Variants in ADAM22 observed in about 807,000 individuals in gnomAD.
ADAM22 encodes the protein ADAM metallopeptidase domain 22.
A neutral mutation model predicts 144.6 loss-of-function variants in ADAM22; 65 were observed. The ratio of observed to expected loss-of-function variants is 0.45; its 90% CI spans 0.37 to 0.55. The LOEUF (loss-of-function observed/expected upper bound fraction) is 0.55. Among genes scored for constraint, ADAM22 ranks in the 20% least tolerant of loss-of-function variants. The pLI is 0.00. For missense variants in ADAM22, 974 were observed against 1,184.9 expected, an observed-to-expected ratio of 0.82 and a Z score of 2.61; for synonymous variants, 391 against 412.6, an observed-to-expected ratio of 0.95 and a Z score of 0.63.
At chr7:88,066,676 A>T (rs1811332592) in intron 3 of ADAM22, among the ~76,000 whole-genome samples, 1 of 152,100 alleles carries the variant, frequency 6.6e-6, no homozygotes, top group Non-Finnish European at 1.5e-5. Context: ...AGGATCAAGT[A>T]CTGATCCCTG....
intron 4 of ADAM22, among the ~76,000 whole-genome samples, chr7:88,087,184 T>C (rs1257322779): frequency 2.0e-5 from 3 of 152,310 alleles, no homozygotes; most frequent in Non-Finnish European, 2.9e-5. Flanking sequence ...CGGTGTACAT[T>C]CTATAATATG....
chr7:88,102,878 G>A (rs1823325310), intron 4 of ADAM22, among the ~76,000 whole-genome samples: 1 of 152,136 alleles, frequency 6.6e-6, no homozygotes, highest in Admixed American at 6.6e-5. Context: ...TTATGAAACA[G>A]CTGGAGTAGA....
At chr7:87,953,255 T>C (rs1845726434) in intron 2 of ADAM22, among the ~76,000 whole-genome samples, 1 of 152,216 alleles carries the variant, frequency 6.6e-6, no homozygotes, top group African/African-American at 2.4e-5. Flanking sequence ...ATTGGATCTT[T>C]CCTGCTTTCT....
intron 3 of ADAM22, among the ~76,000 whole-genome samples, chr7:88,066,353 T>C (rs1170673541): frequency 6.6e-6 from 1 of 151,746 alleles, no homozygotes; most frequent in Non-Finnish European, 1.5e-5. Context: ...AAAGAGTCAA[T>C]GATCACTCTA....
chr7:88,140,960 G>GA (rs1197314469), intron 14 of ADAM22, among the ~76,000 whole-genome samples: 1 of 152,204 alleles, frequency 6.6e-6, no homozygotes, highest in Non-Finnish European at 1.5e-5. Flanking sequence ...GTTTTATGGG[G>GA]AGGTGGAGGG....
intron 3 of ADAM22, among the ~76,000 whole-genome samples, chr7:88,005,242 A>G (rs1427182718): frequency 6.6e-6 from 1 of 152,168 alleles, no homozygotes; most frequent in Non-Finnish European, 1.5e-5. Flanking sequence ...TTGCCAGGAA[A>G]GAGATTTGGA....
intron 4 of ADAM22, among the ~76,000 whole-genome samples, chr7:88,082,022 T>A (rs1227188404): frequency 2.6e-5 from 4 of 152,118 alleles, no homozygotes; most frequent in East Asian, 1.9e-4. Flanking sequence ...AGAACCCACA[T>A]TGCCACGTGA....
At chr7:87,981,088 TA>T (rs1443379315) in intron 3 of ADAM22, among the ~76,000 whole-genome samples, 1 of 152,170 alleles carries the variant, frequency 6.6e-6, no homozygotes, top group African/African-American at 2.4e-5. Flanking sequence ...AGTGGATAAT[TA>T]AACTGCTCCA....
At chr7:87,974,539 T>A (rs963977589) in intron 2 of ADAM22, among the ~76,000 whole-genome samples, 1 of 152,198 alleles carries the variant, frequency 6.6e-6, no homozygotes, top group African/African-American at 2.4e-5. Flanking sequence ...TCAGCCCTGC[T>A]GCTGAAAGTG....
chr7:87,946,892 A>G (rs1843810850), intron 2 of ADAM22, among the ~76,000 whole-genome samples: 1 of 152,232 alleles, frequency 6.6e-6, no homozygotes, highest in Non-Finnish European at 1.5e-5. Flanking sequence ...ATGATATTAT[A>G]TCCTTTGCAG....
rs560414722 is a variant in ADAM22, at chr7:87,964,548, A to G, written c.247-13788A>G. On this transcript the variant is annotated intron_variant, in intron 2 of 31. Transcript: ENST00000413139. Reference sequence around the variant, plus strand: ...AGAGTCTCTTTTATTACCTTTGTCTAACAGAATAATTTGATTATTTTTCAA... The same window carrying G: ...AGAGTCTCTTTTATTACCTTTGTCTGACAGAATAATTTGATTATTTTTCAA... 1.0e-3 allele frequency: 377 copies of G among 363,768 alleles called. 1 individual carries two copies. Among genetic ancestry groups the G allele is most frequent in the South Asian group, 2.4e-3 (107 of 44,368 alleles). The allele number at this position is 363,768 out of a possible 1,614,324, so 22.5% of individuals were successfully genotyped here.
chr7:88,190,449 C>T (rs4728736), intron 30 of ADAM22, among the ~76,000 whole-genome samples: 7,772 of 152,060 alleles, frequency 0.051, 444 homozygotes, highest in East Asian at 0.26. Context: ...GCAGGAGAAT[C>T]GCTTGAACCC....
chr7:88,082,881 C>A (rs1313583622), intron 4 of ADAM22, among the ~76,000 whole-genome samples: 2 of 152,166 alleles, frequency 1.3e-5, no homozygotes, highest in Non-Finnish European at 2.9e-5. Context: ...CACTTTTACA[C>A]TGTTGGTGGG....
At chr7:87,973,857 A>G (rs1562892401) in intron 2 of ADAM22, among the ~76,000 whole-genome samples, 1 of 151,980 alleles carries the variant, frequency 6.6e-6, no homozygotes. Context: ...CAAACACCGC[A>G]TATTCTCACT....
chr7:88,064,380 A>G (rs1448370379), intron 3 of ADAM22, among the ~76,000 whole-genome samples: 1 of 152,102 alleles, frequency 6.6e-6, no homozygotes, highest in African/African-American at 2.4e-5. Flanking sequence ...CTAACCGCAT[A>G]CCCTTGAGTA....
chr7:88,174,308 G>A (rs1009872390), intron 26 of ADAM22, among the ~76,000 whole-genome samples: 8 of 152,016 alleles, frequency 5.3e-5, no homozygotes, highest in Non-Finnish European at 8.8e-5. Context: ...GAAAGAAACC[G>A]GAAGCTCCAT....
intron 7 of ADAM22, among the ~76,000 whole-genome samples, chr7:88,120,922 A>G (rs528048047): frequency 1.3e-5 from 2 of 152,292 alleles, no homozygotes; most frequent in South Asian, 4.1e-4. Flanking sequence ...GATCCTCTTC[A>G]AATTACTTTT....
intron 2 of ADAM22, among the ~76,000 whole-genome samples, chr7:87,939,678 A>T (rs1473906421): frequency 6.6e-6 from 1 of 152,224 alleles, no homozygotes; most frequent in Non-Finnish European, 1.5e-5. Flanking sequence ...TCTTTGTTAA[A>T]TAACATTAAC....
At chr7:88,087,385 A>G (rs1818709802) in intron 4 of ADAM22, among the ~76,000 whole-genome samples, 1 of 152,134 alleles carries the variant, frequency 6.6e-6, no homozygotes, top group South Asian at 2.1e-4. Flanking sequence ...TTTTTCTGTA[A>G]TATCAGTTGC....
Sources: allele counts gnomAD v4.1 joint callset (sites outside exome capture counted in the v4.1 genomes callset), GRCh38; gene constraint gnomAD v4.1.1; transcripts MANE v1.5; gene names NCBI Gene and HGNC (gene_info 2026-07-23, HGNC 2026-07-21).